The following PPM1B variants were observed in gnomAD, a reference collection of about 807,000 sequenced individuals.
PPM1B encodes protein phosphatase 1B.
A neutral mutation model predicts 43.0 loss-of-function variants in PPM1B; 22 were observed. The ratio of observed to expected loss-of-function variants is 0.51; its 90% CI spans 0.37 to 0.73. PPM1B has a LOEUF of 0.73. PPM1B is among the 30% of genes least tolerant of loss of function. The probability of loss-of-function intolerance (pLI) is 0.00; values close to 1 mark genes in which losing one functional copy is unlikely to be tolerated. For missense variants in PPM1B, 632 were observed against 584.2 expected, an observed-to-expected ratio of 1.08 and a Z score of -0.84; for synonymous variants, 217 against 197.9, an observed-to-expected ratio of 1.10 and a Z score of -0.81.
At chr2:44,227,477 C>A (rs938166557) in intron 5 of PPM1B, among the ~76,000 whole-genome samples, 1 of 150,934 alleles carries the variant, frequency 6.6e-6, no homozygotes, top group African/African-American at 2.4e-5. Flanking sequence ...GATACACAGA[C>A]GTATATGTAT....
chr2:44,199,884 G>C (rs1409133768), intron 1 of PPM1B, among the ~76,000 whole-genome samples: 1 of 152,058 alleles, frequency 6.6e-6, no homozygotes, highest in African/African-American at 2.4e-5. Flanking sequence ...TGGTTCATCA[G>C]ATTTTTTTAA....
At chr2:44,221,260 A>G (rs1669966310) in intron 5 of PPM1B, among the ~76,000 whole-genome samples, 1 of 152,246 alleles carries the variant, frequency 6.6e-6, no homozygotes, top group African/African-American at 2.4e-5. Context: ...TTTACAGCCT[A>G]GAATTTTAAA....
intron 5 of PPM1B, chr2:44,218,854 G>A: frequency 2.2e-6 from 1 of 463,468 alleles, no homozygotes; most frequent in African/African-American, 2.0e-5. Context: ...AGGCAAGAAT[G>A]CTCTTTTAAA....
chr2:44,233,628 T>G, downstream of PPM1B: 2 of 985,818 alleles, frequency 2.0e-6, no homozygotes, highest in Non-Finnish European at 2.4e-6. Context: ...CCCTTGTGTG[T>G]AGTTAAAATG....
intron 1 of PPM1B, among the ~76,000 whole-genome samples, chr2:44,183,735 G>GC (rs1165669993): frequency 6.6e-6 from 1 of 151,550 alleles, no homozygotes; most frequent in African/African-American, 2.4e-5. Context: ...TGGTATCTTA[G>GC]TTTTTTTTTC....
At chr2:44,177,915 CT>C (rs746113686) in intron 1 of PPM1B, among the ~76,000 whole-genome samples, 272 of 106,250 alleles carry the variant, frequency 2.6e-3, no homozygotes, top group East Asian at 8.4e-3. Flanking sequence ...TAGAACAGTT[CT>C]TTTTTTTTTT....
At chr2:44,221,525 G>C (rs1321993463) in intron 5 of PPM1B, among the ~76,000 whole-genome samples, 1 of 152,174 alleles carries the variant, frequency 6.6e-6, no homozygotes, top group African/African-American at 2.4e-5. Flanking sequence ...GGGTGGGAAA[G>C]ATGAAAGTAT....
chr2:44,190,751 C>T (rs1193533689), intron 1 of PPM1B, among the ~76,000 whole-genome samples: 1 of 152,184 alleles, frequency 6.6e-6, no homozygotes, highest in African/African-American at 2.4e-5. Flanking sequence ...CATTTTCACA[C>T]TCCATAAATT....
chr2:44,204,379 G>C (rs1406708190), intron 2 of PPM1B, among the ~76,000 whole-genome samples: 1 of 152,170 alleles, frequency 6.6e-6, no homozygotes, highest in Non-Finnish European at 1.5e-5. Context: ...TGTAAGAGGA[G>C]AGGAAACATT....
At chr2:44,207,980 C>G (rs1300065584) in intron 2 of PPM1B, among the ~76,000 whole-genome samples, 4 of 151,580 alleles carry the variant, frequency 2.6e-5, no homozygotes, top group Admixed American at 2.6e-4. Flanking sequence ...CCTCCACCTC[C>G]CGGGTTCAAG....
chr2:44,239,433 TTTTC>T (rs200063606), downstream of PPM1B, among the ~76,000 whole-genome samples: 4,394 of 152,166 alleles, frequency 0.029, 88 homozygotes, highest in Non-Finnish European at 0.043. Flanking sequence ...CTCAGACTGT[TTTTC>T]TTTTTTTCTT....
At position 44,230,674 on chromosome 2, in the gene PPM1B, T is replaced by C; in HGVS notation, c.1396T>C (p.Ser466Pro). 6.2e-7 allele frequency: 1 copy of C among 1,613,718 alleles called. No individual in the cohort carries two copies. Among genetic ancestry groups the C allele is most frequent in the Non-Finnish European group, 8.5e-7 (1 of 1,179,650 alleles). ...AAGTGGTCTTGCTGAATTAGACAGC[T>C]CTAATGAAGATGCAGGGACAAAGAT... ...SESGLAELDS[S>P]NEDAGTKMSG... Residue 466 changes from serine to proline, a missense_variant, in exon 6 of 6, where the codon TCT (serine) becomes CCT (proline). By Grantham distance (74) the Ser-to-Pro change is moderately conservative. Coordinates refer to ENST00000282412, the MANE Select transcript of PPM1B (RefSeq NM_002706.6).
intron 3 of PPM1B, among the ~76,000 whole-genome samples, chr2:44,209,985 C>G (rs561277856): frequency 2.6e-4 from 39 of 152,126 alleles, no homozygotes; most frequent in African/African-American, 9.4e-4. Context: ...TTTTTTCTTT[C>G]TTTTTCTTTC....
downstream of PPM1B, among the ~76,000 whole-genome samples, chr2:44,239,305 T>A (rs181142037): frequency 6.6e-6 from 1 of 152,262 alleles, no homozygotes; most frequent in East Asian, 1.9e-4. Context: ...TCCTCTTTTC[T>A]GAATTGAATG....
At chr2:44,244,838 T>TATATATAC (rs1198220436), downstream of PPM1B, among the ~76,000 whole-genome samples, 2 of 144,518 alleles carry the variant, frequency 1.4e-5, no homozygotes, top group African/African-American at 5.1e-5. Context: ...TATATATATA[T>TATATATAC]ACACACACAC....
chr2:44,246,500 C>T (rs1460904630), downstream of PPM1B, among the ~76,000 whole-genome samples: 1 of 152,118 alleles, frequency 6.6e-6, no homozygotes, highest in Admixed American at 6.6e-5. Flanking sequence ...GTACTGAGGC[C>T]CTGTGGGAGG....
downstream of PPM1B, among the ~76,000 whole-genome samples, chr2:44,235,463 C>T (rs753373992): frequency 1.8e-4 from 27 of 152,122 alleles, no homozygotes; most frequent in Middle Eastern, 3.4e-3. Flanking sequence ...ATTAGCCAGG[C>T]ATGGTGGCGC....
chr2:44,188,128 A>C (rs1668215963), intron 1 of PPM1B, among the ~76,000 whole-genome samples: 1 of 152,050 alleles, frequency 6.6e-6, no homozygotes, highest in African/African-American at 2.4e-5. Flanking sequence ...AACCATCAAG[A>C]ATTTTTGGGT....
chr2:44,185,526 T>C (rs2104040140), intron 1 of PPM1B, among the ~76,000 whole-genome samples: 1 of 152,294 alleles, frequency 6.6e-6, no homozygotes, highest in Non-Finnish European at 1.5e-5. Flanking sequence ...TTGAAAGGCT[T>C]GGAGAGGGGT....
Sources: allele counts gnomAD v4.1 joint callset (sites outside exome capture counted in the v4.1 genomes callset), GRCh38; gene constraint gnomAD v4.1.1; transcripts MANE v1.5; gene names NCBI Gene and HGNC (gene_info 2026-07-23, HGNC 2026-07-21).